The following CHN2 variants were observed in gnomAD, a reference collection of about 807,000 sequenced individuals.
CHN2 encodes chimerin 2, also known as beta-chimaerin.
CHN2 carries 35 observed loss-of-function variants against 56.3 expected under a neutral mutation model. The observed-to-expected ratio is 0.62, with a 90% confidence interval of 0.47 to 0.82. CHN2 has a LOEUF of 0.82. CHN2 is among the 40% of genes least tolerant of loss of function. CHN2 has a pLI of 0.00. For missense variants in CHN2, 491 were observed against 580.5 expected, an observed-to-expected ratio of 0.85 and a Z score of 1.58; for synonymous variants, 210 against 212.8, an observed-to-expected ratio of 0.99 and a Z score of 0.12.
chr7:29,236,295 T>C (rs1417923267), intron 1 of CHN2, among the ~76,000 whole-genome samples: 2 of 152,246 alleles, frequency 1.3e-5, no homozygotes, highest in Non-Finnish European at 2.9e-5. Context: ...ATTTCTCCAA[T>C]AGTGGATCCT....
chr7:29,176,860 G>A (rs972994436), intron 2 of CHN2, among the ~76,000 whole-genome samples: 2 of 152,148 alleles, frequency 1.3e-5, no homozygotes, highest in African/African-American at 4.8e-5. Flanking sequence ...TTCATCATTG[G>A]TCAGAATGGT....
At chr7:29,248,839 T>A (rs1788274872) in intron 1 of CHN2, among the ~76,000 whole-genome samples, 1 of 152,176 alleles carries the variant, frequency 6.6e-6, no homozygotes, top group Non-Finnish European at 1.5e-5. Context: ...TCTGGCCATG[T>A]GACTCTGGAG....
chr7:29,503,635 G>A (rs1330455345), intron 9 of CHN2, among the ~76,000 whole-genome samples: 1 of 152,194 alleles, frequency 6.6e-6, no homozygotes, highest in Non-Finnish European at 1.5e-5. Context: ...GAGGGATGAG[G>A]GGAAGTATTC....
intron 3 of CHN2, among the ~76,000 whole-genome samples, chr7:29,386,531 A>G (rs1800929378): frequency 6.6e-6 from 1 of 152,230 alleles, no homozygotes; most frequent in Non-Finnish European, 1.5e-5. Context: ...AGGACTCACA[A>G]TATTCTGTAA....
intron 2 of CHN2, among the ~76,000 whole-genome samples, chr7:29,355,915 C>T (rs556628174): frequency 4.6e-5 from 7 of 151,296 alleles, no homozygotes; most frequent in Middle Eastern, 3.4e-3. Flanking sequence ...TCCCAAGTAC[C>T]TGGGACTGTT....
chr7:29,247,445 G>T (rs1487641877), intron 1 of CHN2, among the ~76,000 whole-genome samples: 1 of 152,086 alleles, frequency 6.6e-6, no homozygotes, highest in African/African-American at 2.4e-5. Flanking sequence ...GTGCCCATTT[G>T]CCCCAGGGCC....
chr7:29,237,666 G>A (rs1362824908), intron 1 of CHN2, among the ~76,000 whole-genome samples: 3 of 152,192 alleles, frequency 2.0e-5, no homozygotes, highest in African/African-American at 4.8e-5. Context: ...GCAGGGTTGA[G>A]CCTGGAGGCA....
At chr7:29,383,959 G>A (rs182226490) in intron 3 of CHN2, among the ~76,000 whole-genome samples, 84 of 152,330 alleles carry the variant, frequency 5.5e-4, no homozygotes, top group African/African-American at 1.8e-3. Context: ...GAAAGGGACC[G>A]TTTTAAGAGC....
chr7:29,146,717 A>T (rs1370903402), exon 1 of CHN2: 2 of 1,550,644 alleles, frequency 1.3e-6, no homozygotes, highest in Admixed American at 2.0e-5. Flanking sequence ...TTAAAAATTA[A>T]TGAAGAGCAT....
rs370173242 is a variant in CHN2 at position 29,391,730 on chromosome 7, A to G, written c.145-1949A>G. Among the ~76,000 whole-genome samples the G allele has an allele frequency of 5.4e-4, 83 of 152,296 alleles. 1 individual carries two copies. The South Asian group carries it at 6.8e-3, about 13-fold the overall frequency. Reference sequence around the variant, plus strand: ...CGTTTCCCTCTGCTGCAAGTGCAGAACACCCCTGAGCGCCTCATACCTTTC... The same window carrying G: ...CGTTTCCCTCTGCTGCAAGTGCAGAGCACCCCTGAGCGCCTCATACCTTTC... On this transcript the variant is annotated intron_variant, in intron 3 of 12. Coordinates refer to ENST00000222792, the MANE Select transcript of CHN2 (RefSeq NM_004067.4).
intron 6 of CHN2, among the ~76,000 whole-genome samples, chr7:29,479,207 T>C (rs1372523178): frequency 6.6e-6 from 1 of 152,208 alleles, no homozygotes; most frequent in Non-Finnish European, 1.5e-5. Flanking sequence ...AAACAGATGA[T>C]GCTTTTAAGA....
intron 2 of CHN2, among the ~76,000 whole-genome samples, chr7:29,171,035 A>G (rs918212612): frequency 2.0e-5 from 3 of 152,286 alleles, no homozygotes; most frequent in East Asian, 1.9e-4. Flanking sequence ...CAGCCAAACC[A>G]TATCACTTAC....
intron 10 of CHN2, among the ~76,000 whole-genome samples, chr7:29,505,643 C>T (rs961660857): frequency 6.6e-6 from 1 of 152,246 alleles, no homozygotes; most frequent in Admixed American, 6.5e-5. Flanking sequence ...CAGGGGTCAG[C>T]TCAAGCCTTT....
chr7:29,223,118 G>T (rs977601011), intron 1 of CHN2, among the ~76,000 whole-genome samples: 2 of 152,096 alleles, frequency 1.3e-5, no homozygotes, highest in Non-Finnish European at 2.9e-5. Context: ...AACACTATTA[G>T]TCATGAGAGA....
At chr7:29,164,457 TTTTCA>T (rs145645917) in intron 2 of CHN2, among the ~76,000 whole-genome samples, 2,411 of 152,210 alleles carry the variant, frequency 0.016, 55 homozygotes, top group African/African-American at 0.053. Flanking sequence ...CATTTCCTCT[TTTTCA>T]TTTCATTTCA....
At chr7:29,471,679 G>A (rs1786057124) in intron 6 of CHN2, among the ~76,000 whole-genome samples, 1 of 152,146 alleles carries the variant, frequency 6.6e-6, no homozygotes, top group African/African-American at 2.4e-5. Flanking sequence ...AATAATCGGC[G>A]TGGCAGCTGG....
At chr7:29,240,029 C>T (rs1380843910) in intron 1 of CHN2, among the ~76,000 whole-genome samples, 1 of 152,188 alleles carries the variant, frequency 6.6e-6, no homozygotes, top group African/African-American at 2.4e-5. Flanking sequence ...ATATCTGGGG[C>T]CAGATCCAGC....
intron 6 of CHN2, among the ~76,000 whole-genome samples, chr7:29,470,573 G>C (rs6957213): frequency 6.6e-6 from 1 of 152,036 alleles, no homozygotes; most frequent in Non-Finnish European, 1.5e-5. Context: ...TTTTTCTGTA[G>C]ATAAAGGTGC....
At chr7:29,215,675 G>A (rs1214503422) in intron 1 of CHN2, among the ~76,000 whole-genome samples, 1 of 151,870 alleles carries the variant, frequency 6.6e-6, no homozygotes, top group Non-Finnish European at 1.5e-5. Flanking sequence ...TTGGAAGTTA[G>A]GTCTTTAGTG....
Sources: gnomAD v4.1 joint callset for allele counts (sites outside exome capture counted in the v4.1 genomes callset) on GRCh38, gnomAD v4.1.1 for gene constraint, MANE v1.5 for transcripts, NCBI Gene and HGNC (gene_info 2026-07-23, HGNC 2026-07-21) for gene names.